The following AFF3 variants were observed in gnomAD, a reference collection of about 807,000 sequenced individuals.
The protein encoded by AFF3 is AF4/FMR2 family member 3.
Under a neutral mutation model 129.7 loss-of-function variants are expected in AFF3, and 32 were observed. That is an observed-to-expected ratio of 0.25 (90% CI 0.19 to 0.33). The LOEUF (loss-of-function observed/expected upper bound fraction) is 0.33, where lower values mean the gene tolerates loss of function less well. AFF3 is among the 10% of genes least tolerant of loss of function. AFF3 has a pLI of 1.00. For synonymous variants in AFF3, 644 were observed against 635.4 expected (o/e 1.01, Z -0.20); for missense variants, 1,373 against 1,592.0 (o/e 0.86, Z 2.34).
intron 8 of AFF3, among the ~76,000 whole-genome samples, chr2:99,777,947 C>CAAAAAAAAAA (rs576434643): frequency 2.3e-4 from 11 of 48,306 alleles, no homozygotes; most frequent in East Asian, 8.8e-4. Flanking sequence ...AAAGCAAAAG[C>CAAAAAAAAAA]AAAAAAAAAA....
intron 8 of AFF3, among the ~76,000 whole-genome samples, chr2:99,785,779 GC>G (rs1419273334): frequency 2.0e-5 from 3 of 152,020 alleles, no homozygotes; most frequent in Non-Finnish European, 4.4e-5. Flanking sequence ...ACAGAGTCAC[GC>G]CCTGTCACCC....
chr2:99,752,203 A>C lies in AFF3; in HGVS notation c.1002+18T>G. 1 of 1,594,648 alleles carries C rather than the reference A, an allele frequency of 6.3e-7. No individual in the cohort carries two copies. Among genetic ancestry groups the C allele is most frequent in the Non-Finnish European group, 8.6e-7 (1 of 1,162,356 alleles). On this transcript the variant is annotated intron_variant, in intron 9 of 24. Coordinates refer to ENST00000672756, the MANE Select transcript of AFF3 (RefSeq NM_001386135.1). Reference sequence around the variant, plus strand: ...GCATGAGTGAAACATATTCCTCCTGAGGGATGCAAGATCTCACCTTATTTG... The same window carrying C: ...GCATGAGTGAAACATATTCCTCCTGCGGGATGCAAGATCTCACCTTATTTG...
At chr2:100,129,008 C>T (rs1458907380) in intron 2 of AFF3, among the ~76,000 whole-genome samples, 1 of 152,140 alleles carries the variant, frequency 6.6e-6, no homozygotes, top group African/African-American at 2.4e-5. Context: ...TGCCTCTGGA[C>T]ACAACACAGG....
chr2:99,985,145 A>T (rs934996129), intron 7 of AFF3, among the ~76,000 whole-genome samples: 1 of 152,246 alleles, frequency 6.6e-6, no homozygotes, highest in African/African-American at 2.4e-5. Flanking sequence ...TGTACTGGAT[A>T]ACCAAACCAA....
In AFF3 at chr2:99,956,418, A is replaced by T. The variant is rs371202505; in HGVS notation, c.873+50214T>A. Among the ~76,000 whole-genome samples, 6 of 152,242 alleles carry T rather than the reference A, an allele frequency of 3.9e-5. No individual in the cohort carries two copies. The South Asian group carries it at 1.2e-3, about 32-fold the overall frequency. On this transcript the variant is annotated intron_variant, in intron 7 of 24. Transcript: ENST00000672756. ...TGACGGACATGTAATGTAAACCCTGATATCAAAAGCCACTGAAGTTGGAGG... is the reference window on the plus strand; with the variant it reads ...TGACGGACATGTAATGTAAACCCTGTTATCAAAAGCCACTGAAGTTGGAGG...
intron 4 of AFF3, among the ~76,000 whole-genome samples, chr2:100,068,169 T>C (rs762813519): frequency 6.6e-6 from 1 of 152,240 alleles, no homozygotes; most frequent in Non-Finnish European, 1.5e-5. Context: ...CTTAATGCTC[T>C]AAGTTCCTGT....
chr2:100,129,099 C>T (rs1475233442), intron 2 of AFF3, 125 bp downstream of exon 2: 1 of 152,162 alleles, frequency 6.6e-6, no homozygotes, highest in Non-Finnish European at 1.5e-5. Flanking sequence ...TTAGCAGCAG[C>T]AACCGCTTAA....
chr2:99,990,428 T>C (rs1319656617), intron 7 of AFF3, among the ~76,000 whole-genome samples: 1 of 152,192 alleles, frequency 6.6e-6, no homozygotes, highest in Non-Finnish European at 1.5e-5. Flanking sequence ...GTAAATTTTA[T>C]GCTGTGTGTA....
chr2:100,103,082 T>C (rs910541665), intron 4 of AFF3, among the ~76,000 whole-genome samples: 1 of 152,108 alleles, frequency 6.6e-6, no homozygotes, highest in African/African-American at 2.4e-5. Flanking sequence ...CATCATAGGA[T>C]CTTTTATAAG....
chr2:99,837,739 C>T (rs1170587702), intron 7 of AFF3, among the ~76,000 whole-genome samples: 3 of 152,070 alleles, frequency 2.0e-5, no homozygotes, highest in Admixed American at 6.5e-5. Context: ...GAGCACCACA[C>T]ACGCACCCCA....
In AFF3 at chr2:99,615,514, C is replaced by T. The variant is rs77505112; in HGVS notation, c.1185-13893G>A. Among the ~76,000 whole-genome samples the T allele has an allele frequency of 4.9e-3, 754 of 152,368 alleles. 3 individuals are homozygous for T. Among genetic ancestry groups the T allele is most frequent in the African/African-American group, 0.017 (711 of 41,592 alleles). On this transcript the variant is annotated intron_variant, in intron 13 of 24. Coordinates refer to ENST00000672756, the MANE Select transcript of AFF3 (RefSeq NM_001386135.1). ...GAACCTCAAGCAGGGAATTCAACAT[C>T]CTTCTTCGACAACTGGGATGGGAGC...
chr2:99,557,944 G>T (rs758408830), intron 22 of AFF3, among the ~76,000 whole-genome samples: 4 of 152,174 alleles, frequency 2.6e-5, no homozygotes, highest in Admixed American at 2.0e-4. Flanking sequence ...AAGAGGACCA[G>T]AAATCTCAAA....
intron 13 of AFF3, among the ~76,000 whole-genome samples, chr2:99,608,200 A>G (rs377267807): frequency 3.6e-4 from 55 of 152,162 alleles, no homozygotes; most frequent in African/African-American, 1.3e-3. Flanking sequence ...GCCCTTGCAT[A>G]TGATATTTTC....
intron 7 of AFF3, among the ~76,000 whole-genome samples, chr2:99,887,723 T>G (rs1168120745): frequency 6.6e-6 from 1 of 152,264 alleles, no homozygotes; most frequent in Non-Finnish European, 1.5e-5. Flanking sequence ...CGCTAGTAGA[T>G]ATCAACTATT....
At chr2:99,601,316 G>C (rs1467728516) in intron 14 of AFF3, 119 bp downstream of exon 14, 2 of 1,238,972 alleles carry the variant, frequency 1.6e-6, no homozygotes, top group South Asian at 2.0e-5. Context: ...CCAGCACCTG[G>C]CTTGGGGTCT....
At chr2:99,858,277 G>A (rs1338895379) in intron 7 of AFF3, among the ~76,000 whole-genome samples, 1 of 151,994 alleles carries the variant, frequency 6.6e-6, no homozygotes, top group Non-Finnish European at 1.5e-5. Flanking sequence ...AGGGCGTGGT[G>A]GCTCATGCCT....
At chr2:100,005,443 T>C (rs1180827387) in intron 7 of AFF3, among the ~76,000 whole-genome samples, 1 of 152,202 alleles carries the variant, frequency 6.6e-6, no homozygotes, top group African/African-American at 2.4e-5. Context: ...CCGGAATTTA[T>C]TTGCTGCTAC....
chr2:99,621,186 A>C lies in AFF3; in HGVS notation c.1185-19565T>G, dbSNP rs372749634. Reference sequence around the variant, plus strand: ...TAGGCTGATGAGCAATGGCGAGGCCAAGAAAAGACCAGAGAACCCTGGAGC... The same window carrying C: ...TAGGCTGATGAGCAATGGCGAGGCCCAGAAAAGACCAGAGAACCCTGGAGC... On this transcript the variant is annotated intron_variant, in intron 13 of 24. Transcript: ENST00000672756. 3.5e-4 allele frequency among the ~76,000 whole-genome samples: 53 copies of C among 152,324 alleles called. 1 individual carries two copies. Among genetic ancestry groups the C allele is most frequent in the South Asian group, 1.2e-3 (6 of 4,822 alleles).
chr2:99,936,050 T>TA (rs371067159), intron 7 of AFF3, among the ~76,000 whole-genome samples: 2 of 151,996 alleles, frequency 1.3e-5, no homozygotes, highest in African/African-American at 4.8e-5. Context: ...CATAAATCTT[T>TA]AAAAAAATCT....
Sources: gnomAD v4.1 joint callset for allele counts (sites outside exome capture counted in the v4.1 genomes callset) on GRCh38, gnomAD v4.1.1 for gene constraint, MANE v1.5 for transcripts, NCBI Gene and HGNC (gene_info 2026-07-23, HGNC 2026-07-21) for gene names.